NCAM1: variants seen among roughly 807,000 people sequenced by gnomAD.
NCAM1 encodes the protein neural cell adhesion molecule 1, also known as antigen recognized by monoclonal antibody 5.1H11.
In NCAM1, 14 loss-of-function variants were observed where a neutral mutation model predicts 109.8. The ratio of observed to expected loss-of-function variants is 0.13; its 90% CI spans 0.08 to 0.20. The LOEUF is 0.20. Ranked by LOEUF, NCAM1 falls within the 10% of genes least tolerant of loss-of-function variation. NCAM1 has a pLI of 1.00. For missense variants in NCAM1, 774 were observed against 1,109.9 expected, an observed-to-expected ratio of 0.70 and a Z score of 4.30; for synonymous variants, 418 against 442.9, an observed-to-expected ratio of 0.94 and a Z score of 0.70.
At chr11:113,044,535 A>T (rs1953195008) in intron 1 of NCAM1, among the ~76,000 whole-genome samples, 1 of 151,456 alleles carries the variant, frequency 6.6e-6, no homozygotes, top group African/African-American at 2.4e-5. Flanking sequence ...AAATACAAAA[A>T]TTTTCTGGGC....
At chr11:113,078,568 G>C (rs1938637904) in intron 1 of NCAM1, among the ~76,000 whole-genome samples, 1 of 152,056 alleles carries the variant, frequency 6.6e-6, no homozygotes, top group Non-Finnish European at 1.5e-5. Flanking sequence ...TGTTTGGATG[G>C]GGAGTGGAGG....
At chr11:113,081,471 C>T (rs543293628) in intron 1 of NCAM1, among the ~76,000 whole-genome samples, 1 of 152,238 alleles carries the variant, frequency 6.6e-6, no homozygotes, top group African/African-American at 2.4e-5. Flanking sequence ...ATGCTACGTA[C>T]AAGGCCACAG....
chr11:113,261,298 A>C (rs1591469004), intron 17 of NCAM1, among the ~76,000 whole-genome samples: 2 of 152,134 alleles, frequency 1.3e-5, no homozygotes, highest in South Asian at 2.1e-4. Flanking sequence ...CCTGCCTATG[A>C]TGCAGGGATG....
intron 1 of NCAM1, among the ~76,000 whole-genome samples, chr11:113,092,724 A>G (rs1480289438): frequency 6.6e-6 from 1 of 152,204 alleles, no homozygotes; most frequent in Non-Finnish European, 1.5e-5. Flanking sequence ...TGTATGGACT[A>G]GGTGTAGAAC....
intron 1 of NCAM1, among the ~76,000 whole-genome samples, chr11:113,112,561 GA>G (rs1940491983): frequency 6.6e-6 from 1 of 152,090 alleles, no homozygotes; most frequent in African/African-American, 2.4e-5. Flanking sequence ...CATGCTTGAA[GA>G]ATTGTGATAC....
intron 1 of NCAM1, among the ~76,000 whole-genome samples, chr11:113,072,096 G>C (rs1555085370): frequency 6.6e-6 from 1 of 152,150 alleles, no homozygotes; most frequent in Non-Finnish European, 1.5e-5. Flanking sequence ...AGTGAGCTGA[G>C]ATTGCACCAC....
At chr11:113,116,863 C>T (rs1268670646) in intron 1 of NCAM1, among the ~76,000 whole-genome samples, 1 of 151,844 alleles carries the variant, frequency 6.6e-6, no homozygotes, top group African/African-American at 2.4e-5. Flanking sequence ...AGTATTATGA[C>T]TGTAACCTTT....
intron 17 of NCAM1, among the ~76,000 whole-genome samples, chr11:113,265,837 T>C (rs1946124967): frequency 6.6e-6 from 1 of 152,172 alleles, no homozygotes; most frequent in Non-Finnish European, 1.5e-5. Flanking sequence ...CAGGCCCATC[T>C]GGATATTTAT....
intron 7 of NCAM1, among the ~76,000 whole-genome samples, chr11:113,214,004 C>T (rs1555113991): frequency 6.6e-6 from 1 of 152,202 alleles, no homozygotes; most frequent in Non-Finnish European, 1.5e-5. Context: ...CAGTTTCCTA[C>T]ACTTCAAATG....
chr11:113,040,060 T>C (rs1953022021), intron 1 of NCAM1, among the ~76,000 whole-genome samples: 3 of 152,112 alleles, frequency 2.0e-5, no homozygotes, highest in Admixed American at 1.3e-4. Flanking sequence ...GAGAATTGGT[T>C]AAACCCAGGA....
intron 1 of NCAM1, among the ~76,000 whole-genome samples, chr11:113,072,513 C>G (rs1229850303): frequency 6.6e-6 from 1 of 152,108 alleles, no homozygotes; most frequent in African/African-American, 2.4e-5. Flanking sequence ...CCAAATAAAT[C>G]TAGACTGGAC....
intron 1 of NCAM1, among the ~76,000 whole-genome samples, chr11:112,964,354 A>G (rs1416754387): frequency 6.6e-6 from 1 of 152,040 alleles, no homozygotes; most frequent in Non-Finnish European, 1.5e-5. Context: ...TTGCATAGTA[A>G]ATTTGAGTTT....
chr11:113,016,385 G>C (rs565405097), intron 1 of NCAM1, among the ~76,000 whole-genome samples: 92 of 152,292 alleles, frequency 6.0e-4, no homozygotes, highest in Middle Eastern at 3.4e-3. Context: ...CTAATAGACA[G>C]ACATAAAAAT....
intron 1 of NCAM1, among the ~76,000 whole-genome samples, chr11:113,063,046 C>A (rs2135500175): frequency 6.6e-6 from 1 of 152,284 alleles, no homozygotes; most frequent in South Asian, 2.1e-4. Context: ...TTTGCAAAGG[C>A]CCCAATGTCA....
rs376044700 is a variant in NCAM1 at position 113,233,020 on chromosome 11, G to A, written c.1523-127G>A. On this transcript the variant is annotated intron_variant, in intron 12 of 19. Coordinates refer to ENST00000316851, the MANE Select transcript of NCAM1 (RefSeq NM_181351.5). This position sits in a 1 kb window ranked among gnomAD's most constrained non-coding sequence, Gnocchi z 4.5. ...AAGCATCTGGTGAGATGGGCCAGGAGGACAGGATACAGTGACAGGATTCCC... is the reference window on the plus strand; with the variant it reads ...AAGCATCTGGTGAGATGGGCCAGGAAGACAGGATACAGTGACAGGATTCCC... 1 of 1,058,084 alleles carries A rather than the reference G, an allele frequency of 9.5e-7. No homozygotes were observed. Among genetic ancestry groups the A allele is most frequent in the Non-Finnish European group, 1.4e-6 (1 of 726,628 alleles). 65.5% of individuals were successfully genotyped at this position (1,058,084 alleles called of 1,614,324 possible).
At chr11:113,072,851 T>C (rs566871423) in intron 1 of NCAM1, among the ~76,000 whole-genome samples, 1 of 151,636 alleles carries the variant, frequency 6.6e-6, no homozygotes. Context: ...TTGACTATGG[T>C]AAACTACACA....
chr11:112,969,160 G>A (rs577436160), intron 1 of NCAM1, among the ~76,000 whole-genome samples: 1 of 152,242 alleles, frequency 6.6e-6, no homozygotes, highest in South Asian at 2.1e-4. Context: ...GGTGATCTGG[G>A]CAGAGCAGAC....
At chr11:113,151,945 G>T (rs533175250) in intron 1 of NCAM1, among the ~76,000 whole-genome samples, 1 of 152,346 alleles carries the variant, frequency 6.6e-6, no homozygotes, top group East Asian at 1.9e-4. Flanking sequence ...GCAAGCTTGG[G>T]GGTGGGAGGG....
chr11:113,068,457 A>G (rs1158481454), intron 1 of NCAM1, among the ~76,000 whole-genome samples: 1 of 152,214 alleles, frequency 6.6e-6, no homozygotes, highest in Non-Finnish European at 1.5e-5. Context: ...GGCACCTGGG[A>G]TGTCCTTAGT....
Sources: allele counts gnomAD v4.1 joint callset (sites outside exome capture counted in the v4.1 genomes callset), GRCh38; gene constraint gnomAD v4.1.1; non-coding constraint Gnocchi (gnomAD v3.1); transcripts MANE v1.5; gene names NCBI Gene and HGNC (gene_info 2026-07-23, HGNC 2026-07-21).